Variants in DOCK6 observed in about 807,000 individuals in gnomAD.
DOCK6 encodes dedicator of cytokinesis protein 6.
DOCK6 carries 167 observed loss-of-function variants against 230.3 expected under a neutral mutation model. That is an observed-to-expected ratio of 0.73 (90% CI 0.64 to 0.82). The LOEUF is 0.82. Among genes scored for constraint, DOCK6 ranks in the 40% least tolerant of loss-of-function variants. The pLI is 0.00. For synonymous variants in DOCK6, 1,148 were observed against 1,185.0 expected (o/e 0.97, Z 0.64); for missense variants, 2,598 against 2,825.8 (o/e 0.92, Z 1.83).
intron 24 of DOCK6, among the ~76,000 whole-genome samples, chr19:11,225,103 C>T (rs2079643798): frequency 6.6e-6 from 1 of 152,104 alleles, no homozygotes; most frequent in African/African-American, 2.4e-5. Flanking sequence ...TGGCGCACCC[C>T]TGTAGTCCCA....
intron 1 of DOCK6, among the ~76,000 whole-genome samples, chr19:11,255,481 T>A (rs1049728613): frequency 4.6e-5 from 7 of 152,044 alleles, no homozygotes; most frequent in African/African-American, 1.7e-4. Context: ...GCCTGGTTAA[T>A]CTTTCTATTT....
intron 30 of DOCK6, chr19:11,216,201 C>T (rs1377269690): frequency 7.7e-6 from 2 of 260,020 alleles, no homozygotes; most frequent in Non-Finnish European, 1.5e-5. Flanking sequence ...AGGCAATCCA[C>T]CTCAGCCACT....
chr19:11,248,272 G>C (rs2080067020), intron 6 of DOCK6, 121 bp from the exon 7 acceptor site: 3 of 701,058 alleles, frequency 4.3e-6, no homozygotes, highest in Non-Finnish European at 7.0e-6. Flanking sequence ...TTCCATCCCT[G>C]CCTCTGAGCC....
At chr19:11,223,130 C>T in intron 24 of DOCK6, 24 bp from the exon 25 acceptor site, 1 of 1,605,286 alleles carries the variant, frequency 6.2e-7, no homozygotes, top group Non-Finnish European at 8.5e-7. Context: ...TGCCTGTCAA[C>T]CCACACACCC....
At chr19:11,234,840 A>G (rs1313717385) in intron 21 of DOCK6, among the ~76,000 whole-genome samples, 1 of 152,214 alleles carries the variant, frequency 6.6e-6, no homozygotes, top group Non-Finnish European at 1.5e-5. Context: ...GCAAAACATT[A>G]TCTCTCTTGC....
At chr19:11,216,831 T>C in intron 30 of DOCK6, 83 bp downstream of exon 30, 1 of 1,419,512 alleles carries the variant, frequency 7.0e-7, no homozygotes, top group Non-Finnish European at 1.0e-6. Flanking sequence ...GTCCACCCCT[T>C]CCCACTCAGC....
chr19:11,207,357 G>A (rs1477778781), intron 39 of DOCK6, among the ~76,000 whole-genome samples: 1 of 151,860 alleles, frequency 6.6e-6, no homozygotes. Flanking sequence ...ACCACACCCA[G>A]CTAATTTCTT....
chr19:11,214,421 G>A lies in DOCK6; in HGVS notation c.4204-12C>T. The A allele has an allele frequency of 6.2e-7, 1 of 1,613,736 alleles. No homozygotes were observed. On this transcript the variant is annotated splice_polypyrimidine_tract_variant and intron_variant, in intron 33 of 47. Coordinates refer to ENST00000294618, the MANE Select transcript of DOCK6 (RefSeq NM_020812.4). ...GAAAGCATCACCGTCTGGAGGGAAG[G>A]GGGTCAGAAATCCAGGTGTTAGAGC...
At chr19:11,217,626 CG>C (rs1341660077) in intron 28 of DOCK6, among the ~76,000 whole-genome samples, 1 of 150,898 alleles carries the variant, frequency 6.6e-6, no homozygotes, top group Non-Finnish European at 1.5e-5. Context: ...GGTGTGGTGG[CG>C]GGCGCCTGTA....
chr19:11,249,590 G>A (rs2080085746), intron 6 of DOCK6, among the ~76,000 whole-genome samples: 1 of 149,620 alleles, frequency 6.7e-6, no homozygotes, highest in South Asian at 2.1e-4. Context: ...TATATAGTAG[G>A]TGTCCATATA....
chr19:11,258,469 G>A (rs762921730), intron 1 of DOCK6, among the ~76,000 whole-genome samples: 1 of 148,364 alleles, frequency 6.7e-6, no homozygotes, highest in Non-Finnish European at 1.5e-5. Flanking sequence ...TGGAGTCTCT[G>A]TCGTCCAGGC....
At position 11,243,118 on chromosome 19, in the gene DOCK6, T is replaced by C. The variant is rs1256759974; in HGVS notation, c.1421A>G (p.Lys474Arg). 2 of 1,613,958 alleles carry C rather than the reference T, an allele frequency of 1.2e-6. No homozygotes were observed. The highest frequency in any genetic ancestry group is 1.1e-5 in the South Asian group (1 of 91,088). ...AERLSDEDLFKFLADMRRPSS... is the reference protein window; with the variant it reads ...AERLSDEDLFRFLADMRRPSS... Reference sequence around the variant, plus strand: ...CGGGCGCCTCATGTCAGCCAGGAACTTGAAGAGGTCCTCGTCACTGAGTCG... The same window carrying C: ...CGGGCGCCTCATGTCAGCCAGGAACCTGAAGAGGTCCTCGTCACTGAGTCG... The change falls in exon 13 of 48, where the codon AAG becomes AGG. Residue 474 changes from lysine (K) to arginine (R), a missense_variant. Lys to Arg is a conservative substitution (Grantham distance 26, BLOSUM62 2). Coordinates refer to ENST00000294618, the MANE Select transcript of DOCK6 (RefSeq NM_020812.4). The surrounding 1 kb of genome is among the most constrained non-coding windows in gnomAD (Gnocchi z 6.3).
intron 14 of DOCK6, chr19:11,240,031 G>A: frequency 6.5e-7 from 1 of 1,545,730 alleles, no homozygotes; most frequent in Non-Finnish European, 8.8e-7. Flanking sequence ...CAGGACTGAA[G>A]GGATTCCTGG....
rs1209021955 is a variant in DOCK6, at chr19:11,252,598, T to A, written c.309-48A>T. On this transcript the variant is annotated intron_variant, in intron 3 of 47. Coordinates refer to ENST00000294618, the MANE Select transcript of DOCK6 (RefSeq NM_020812.4). ...TAAACAGAGACAAGGCCTCTGTGAA[T>A]CCTTCTGCTAGCCTGTAAGGTTAGC... 3 of 1,609,728 alleles carry A rather than the reference T, an allele frequency of 1.9e-6. No homozygotes were observed. In the Admixed American group the frequency reaches 5.0e-5, roughly 27 times the overall value.
rs2079953309 is a variant in DOCK6 at position 11,241,949 on chromosome 19, G to A, written c.1643+96C>T. ...AGCAGAGTCGTGGCATCTCACCCAG[G>A]GTGTCTGTGTGTGTCCTTGGCTTAG... On this transcript the variant is annotated intron_variant, in intron 14 of 47. Coordinates refer to ENST00000294618, the MANE Select transcript of DOCK6 (RefSeq NM_020812.4). 6 of 1,441,434 alleles carry A rather than the reference G, an allele frequency of 4.2e-6. No individual in the cohort carries two copies. In the East Asian group the frequency reaches 1.5e-4, roughly 36 times the overall value. The allele number at this position is 1,441,434 out of a possible 1,614,324, so 89.3% of individuals were successfully genotyped here.
intron 28 of DOCK6, 104 bp from the exon 29 acceptor site, chr19:11,217,495 G>A (rs916301665): frequency 1.0e-5 from 15 of 1,429,164 alleles, no homozygotes; most frequent in African/African-American, 8.5e-5. Flanking sequence ...AGTGGCTCAC[G>A]CCTGTAATAC....
intron 2 of DOCK6, among the ~76,000 whole-genome samples, 189 bp from the exon 3 acceptor site, chr19:11,253,147 C>T (rs957702808): frequency 1.3e-5 from 2 of 152,068 alleles, no homozygotes; most frequent in African/African-American, 4.8e-5. Flanking sequence ...CTCAGCTTTC[C>T]CTGCCCTGCC....
rs772543889 is a variant in DOCK6, at chr19:11,213,175, C to T, written c.4491+1G>A. ...GACCATGCCTCCTAGCCCCCACTCACGTGGCCGATCTCGAAGTTCTGTCGC... is the reference window on the plus strand; with the variant it reads ...GACCATGCCTCCTAGCCCCCACTCATGTGGCCGATCTCGAAGTTCTGTCGC... On this transcript the variant is annotated splice_donor_variant, in intron 35 of 47. Coordinates refer to ENST00000294618, the MANE Select transcript of DOCK6 (RefSeq NM_020812.4). LOFTEE classifies it high-confidence loss of function. 44 of 1,611,034 alleles carry T rather than the reference C, an allele frequency of 2.7e-5. No individual in the cohort carries two copies. The highest frequency in any genetic ancestry group is 6.7e-5 in the East Asian group (3 of 44,860).
chr19:11,253,754 G>C, intron 1 of DOCK6, 28 bp from the exon 2 acceptor site: 1 of 1,431,054 alleles, frequency 7.0e-7, no homozygotes, highest in Admixed American at 3.1e-5. Context: ...GGGCCATTGG[G>C]GACGGGAAAA....
Sources: allele counts gnomAD v4.1 joint callset (sites outside exome capture counted in the v4.1 genomes callset), GRCh38; gene constraint gnomAD v4.1.1; non-coding constraint Gnocchi (gnomAD v3.1); transcripts MANE v1.5; gene names NCBI Gene and HGNC (gene_info 2026-07-23, HGNC 2026-07-21).